NTM: variants seen among roughly 807,000 people sequenced by gnomAD.
NTM encodes the protein IgLON family member 2.
A neutral mutation model predicts 42.1 loss-of-function variants in NTM; 13 were observed. That is an observed-to-expected ratio of 0.31 (90% CI 0.20 to 0.49). The LOEUF is 0.49. NTM is among the 20% of genes least tolerant of loss of function. The pLI, the probability that NTM is intolerant of heterozygous loss-of-function variation, is 0.99. For missense variants in NTM, 373 were observed against 452.8 expected (o/e 0.82, Z 1.60); for synonymous variants, 187 against 179.2 (o/e 1.04, Z -0.35).
chr11:132,145,461 A>G (rs2070177665), intron 2 of NTM, among the ~76,000 whole-genome samples: 1 of 152,236 alleles, frequency 6.6e-6, no homozygotes, highest in African/African-American at 2.4e-5. Flanking sequence ...GAGGGAAATG[A>G]ATACAGACAG....
rs946846391 is a variant in NTM at position 131,445,804 on chromosome 11, G to A, written c.82+74916G>A. 2.0e-5 allele frequency among the ~76,000 whole-genome samples: 3 copies of A among 152,270 alleles called. No homozygotes were observed. The East Asian group carries it at 5.8e-4, about 29-fold the overall frequency. On this transcript the variant is annotated intron_variant, in intron 1 of 8. Coordinates refer to ENST00000683400, the MANE Select transcript of NTM (RefSeq NM_001352005.2). Reference sequence around the variant, plus strand: ...CAATTATTTTTTTCTTTGAGGTCAAGGGTTAGCAAACTCAGCAAAACCCAC... The same window carrying A: ...CAATTATTTTTTTCTTTGAGGTCAAAGGTTAGCAAACTCAGCAAAACCCAC...
At position 131,789,475 on chromosome 11, in the gene NTM, GAAGAAGAAGAAGAAGAGGAAAGAAGAA is replaced by G. The variant is rs2090004581; in HGVS notation, c.83-122088_83-122062del. ...AGAAGAAGAAGAAGAAGAAGAAGAA[GAAGAAGAAGAAGAAGAGGAAAGAAGAA>G]GAAGAAGAAGAAGAAGAAGAAGAAG... On this transcript the variant is annotated intron_variant, in intron 1 of 8. Coordinates refer to ENST00000683400, the MANE Select transcript of NTM (RefSeq NM_001352005.2). Among the ~76,000 whole-genome samples, 2 of 11,892 alleles carry G rather than the reference GAAGAAGAAGAAGAAGAGGAAAGAAGAA, an allele frequency of 1.7e-4. 1 individual carries two copies. Among genetic ancestry groups the G allele is most frequent in the Non-Finnish European group, 3.4e-4 (2 of 5,930 alleles). 7.8% of individuals were successfully genotyped at this position (11,892 alleles called of 152,430 possible). A position where few individuals can be genotyped will look rare whatever the true frequency, so the allele number is the denominator to read the frequency against.
intron 2 of NTM, among the ~76,000 whole-genome samples, chr11:131,923,061 T>TAA (rs35051143): frequency 1.0e-4 from 15 of 149,620 alleles, no homozygotes; most frequent in Admixed American, 3.3e-4. Flanking sequence ...GTACCCCGTT[T>TAA]AAAAAAAAAA....
At chr11:131,724,202 C>T (rs1265390513) in intron 1 of NTM, among the ~76,000 whole-genome samples, 1 of 152,112 alleles carries the variant, frequency 6.6e-6, no homozygotes, top group Non-Finnish European at 1.5e-5. Flanking sequence ...TGCAGGGTGG[C>T]CAGGGCGCCT....
At chr11:132,333,668 T>C (rs186536110) in intron 8 of NTM, among the ~76,000 whole-genome samples, 6 of 152,256 alleles carry the variant, frequency 3.9e-5, no homozygotes, top group East Asian at 3.9e-4. Context: ...CTTCTCAGCA[T>C]GGGGATCTGC....
At chr11:131,579,529 T>C (rs2058215090) in intron 1 of NTM, among the ~76,000 whole-genome samples, 1 of 152,152 alleles carries the variant, frequency 6.6e-6, no homozygotes. Context: ...CCCCATAATA[T>C]GTGAGCAAAC....
intron 1 of NTM, among the ~76,000 whole-genome samples, chr11:131,648,744 A>G (rs2066082619): frequency 6.6e-6 from 1 of 152,230 alleles, no homozygotes. Flanking sequence ...AAGAGGCAGT[A>G]ACAGTGAGTA....
At chr11:132,194,653 A>G (rs1200289898) in intron 3 of NTM, among the ~76,000 whole-genome samples, 1 of 152,066 alleles carries the variant, frequency 6.6e-6, no homozygotes, top group East Asian at 1.9e-4. Flanking sequence ...AAGGCATCCA[A>G]ATAGGAAGGT....
At chr11:131,970,741 G>A (rs1487845860) in intron 2 of NTM, among the ~76,000 whole-genome samples, 1 of 152,140 alleles carries the variant, frequency 6.6e-6, no homozygotes, top group Non-Finnish European at 1.5e-5. Context: ...ATGCAGGGTG[G>A]CTGAGGGTTG....
intron 1 of NTM, among the ~76,000 whole-genome samples, chr11:131,610,346 G>C (rs139266614): frequency 3.3e-5 from 5 of 152,322 alleles, no homozygotes; most frequent in Non-Finnish European, 7.4e-5. Context: ...TGCTGAACCA[G>C]AAGAGGAAGA....
At chr11:131,960,485 G>A (rs1465500379) in intron 2 of NTM, among the ~76,000 whole-genome samples, 1 of 152,204 alleles carries the variant, frequency 6.6e-6, no homozygotes, top group African/African-American at 2.4e-5. Flanking sequence ...GGAGACAATG[G>A]CAGATGTTGA....
chr11:132,089,251 G>A (rs1389296193), intron 2 of NTM, among the ~76,000 whole-genome samples: 1 of 152,156 alleles, frequency 6.6e-6, no homozygotes, highest in Non-Finnish European at 1.5e-5. Flanking sequence ...GCTTTCACTG[G>A]AGCACCTCCA....
chr11:131,941,925 A>G (rs1300294582), intron 2 of NTM, among the ~76,000 whole-genome samples: 1 of 151,746 alleles, frequency 6.6e-6, no homozygotes, highest in Non-Finnish European at 1.5e-5. Context: ...GAACACACTT[A>G]CAGTTATGGA....
At chr11:131,874,044 T>TATATAATAATATAATATAATATATATAA (rs2048234971) in intron 1 of NTM, among the ~76,000 whole-genome samples, 1 of 56,178 alleles carries the variant, frequency 1.8e-5, no homozygotes, top group Non-Finnish European at 2.9e-5. Flanking sequence ...TATATATATA[T>TATATAATAATATAATATAATATATATAA]ATATATATAT....
At chr11:131,847,623 C>T (rs1265433721) in intron 1 of NTM, among the ~76,000 whole-genome samples, 5 of 152,162 alleles carry the variant, frequency 3.3e-5, no homozygotes, top group African/African-American at 1.2e-4. Flanking sequence ...TCTGGAATTA[C>T]AATCAGGTAA....
In NTM at chr11:131,789,491, AGGAAAGAAGAAGAAGAAGAAG is replaced by A. The variant is rs2090097219; in HGVS notation, c.83-122072_83-122052del. Among the ~76,000 whole-genome samples the A allele has an allele frequency of 9.3e-4, 4 of 4,324 alleles. 2 individuals carry two copies. Among genetic ancestry groups the A allele is most frequent in the African/African-American group, 1.9e-3 (2 of 1,072 alleles). The allele number at this position is 4,324 out of a possible 152,430, so 2.8% of individuals were successfully genotyped here. On this transcript the variant is annotated intron_variant, in intron 1 of 8. Coordinates refer to ENST00000683400, the MANE Select transcript of NTM (RefSeq NM_001352005.2). Reference sequence around the variant, plus strand: ...GAAGAAGAAGAAGAAGAAGAAGAAGAGGAAAGAAGAAGAAGAAGAAGAAGAAGAAGAAGAAGAAGAAGAAGA... The same window carrying A: ...GAAGAAGAAGAAGAAGAAGAAGAAGAAAGAAGAAGAAGAAGAAGAAGAAGA...
intron 2 of NTM, among the ~76,000 whole-genome samples, chr11:131,936,674 C>T (rs1017349535): frequency 6.6e-6 from 1 of 152,300 alleles, no homozygotes; most frequent in Middle Eastern, 3.4e-3. Context: ...TACGCACATG[C>T]ATACACACAC....
intron 1 of NTM, among the ~76,000 whole-genome samples, chr11:131,897,725 A>G (rs1480159789): frequency 6.6e-6 from 1 of 152,224 alleles, no homozygotes; most frequent in African/African-American, 2.4e-5. Context: ...TAGGATTCCA[A>G]ACAAAGACCA....
At chr11:131,711,150 C>A (rs552905048) in intron 1 of NTM, among the ~76,000 whole-genome samples, 33 of 152,246 alleles carry the variant, frequency 2.2e-4, no homozygotes, top group South Asian at 2.1e-4. Flanking sequence ...TAAACTAAAG[C>A]GCTTCTGCAC....
Sources: allele counts gnomAD v4.1 joint callset (sites outside exome capture counted in the v4.1 genomes callset), GRCh38; gene constraint gnomAD v4.1.1; transcripts MANE v1.5; gene names NCBI Gene and HGNC (gene_info 2026-07-23, HGNC 2026-07-21).